The following BACE2 variants were observed in gnomAD, a reference collection of about 807,000 sequenced individuals.
BACE2 encodes beta-secretase 2, also known as 56 kDa aspartic-like protease.
A neutral mutation model predicts 46.2 loss-of-function variants in BACE2; 17 were observed. That is an observed-to-expected ratio of 0.37 (90% CI 0.25 to 0.55). BACE2 has a LOEUF of 0.55. Ranked by LOEUF, BACE2 falls within the 20% of genes least tolerant of loss-of-function variation. The pLI is 0.82. For missense variants in BACE2, 595 were observed against 698.1 expected, an observed-to-expected ratio of 0.85 and a Z score of 1.66; for synonymous variants, 277 against 295.9, an observed-to-expected ratio of 0.94 and a Z score of 0.66.
chr21:41,209,865 C>T (rs1018509901), intron 1 of BACE2, among the ~76,000 whole-genome samples: 1 of 152,138 alleles, frequency 6.6e-6, no homozygotes, highest in Non-Finnish European at 1.5e-5. Context: ...GGACATAGTT[C>T]CCAATATGTT....
At chr21:41,222,911 G>T (rs913560250) in intron 1 of BACE2, among the ~76,000 whole-genome samples, 2 of 152,230 alleles carry the variant, frequency 1.3e-5, no homozygotes, top group African/African-American at 4.8e-5. Flanking sequence ...TGATGGAGCT[G>T]CTGTCGACCG....
chr21:41,256,835 A>C (rs1987799230), intron 7 of BACE2, among the ~76,000 whole-genome samples: 1 of 152,206 alleles, frequency 6.6e-6, no homozygotes, highest in Non-Finnish European at 1.5e-5. Context: ...CTTGGCTCAG[A>C]ATAAATCTCT....
At chr21:41,237,360 C>T (rs1161208807) in intron 2 of BACE2, among the ~76,000 whole-genome samples, 153 bp from the exon 3 acceptor site, 2 of 152,124 alleles carry the variant, frequency 1.3e-5, no homozygotes, top group Admixed American at 6.5e-5. Flanking sequence ...GCAGGAGAAT[C>T]GCTTGAACCC....
At chr21:41,205,957 G>A (rs1022208398) in intron 1 of BACE2, among the ~76,000 whole-genome samples, 15 of 152,226 alleles carry the variant, frequency 9.9e-5, no homozygotes, top group African/African-American at 3.6e-4. Flanking sequence ...TGAAAGCAGG[G>A]TCTTGAAGAG....
At chr21:41,221,801 C>T (rs1410898439) in intron 1 of BACE2, among the ~76,000 whole-genome samples, 1 of 143,856 alleles carries the variant, frequency 7.0e-6, no homozygotes, top group Non-Finnish European at 1.5e-5. Context: ...GCACTCCAGC[C>T]TGGGTGACTG....
At chr21:41,194,256 T>G (rs951757947) in intron 1 of BACE2, among the ~76,000 whole-genome samples, 1 of 152,202 alleles carries the variant, frequency 6.6e-6, no homozygotes, top group Non-Finnish European at 1.5e-5. Context: ...CGAGCCAGAC[T>G]GTTCTGATTG....
chr21:41,267,045 G>C (rs1048358019), intron 8 of BACE2, among the ~76,000 whole-genome samples: 1 of 152,112 alleles, frequency 6.6e-6, no homozygotes, highest in Non-Finnish European at 1.5e-5. Context: ...GGAGCAGTGA[G>C]TGGGAGCTCC....
At chr21:41,217,086 C>A (rs1430071077) in intron 1 of BACE2, among the ~76,000 whole-genome samples, 2 of 152,162 alleles carry the variant, frequency 1.3e-5, no homozygotes, top group Non-Finnish European at 2.9e-5. Context: ...TGTGTGCCAC[C>A]ACGCCAGGCT....
At chr21:41,267,251 G>A (rs917189470) in intron 8 of BACE2, among the ~76,000 whole-genome samples, 1 of 152,112 alleles carries the variant, frequency 6.6e-6, no homozygotes, top group Non-Finnish European at 1.5e-5. Context: ...AATCATTACT[G>A]CAGTCAGATT....
intron 7 of BACE2, among the ~76,000 whole-genome samples, chr21:41,255,469 C>T (rs1987755654): frequency 1.3e-5 from 2 of 152,236 alleles, no homozygotes; most frequent in Non-Finnish European, 2.9e-5. Flanking sequence ...GAGAAGAATG[C>T]AGCCCTCTTA....
intron 1 of BACE2, chr21:41,180,358 C>G (rs950147847): frequency 1.6e-4 from 27 of 171,674 alleles, no homozygotes; most frequent in African/African-American, 6.5e-4. Context: ...GATACTCCTC[C>G]TTAATCTTAA....
rs10658440 is a variant in BACE2, at chr21:41,224,209, A to ATTTTTTTTT, written c.313-2042_313-2034dup. Among the ~76,000 whole-genome samples, 102 of 98,890 alleles carry ATTTTTTTTT rather than the reference A, an allele frequency of 1.0e-3. 5 individuals are homozygous for ATTTTTTTTT. Among genetic ancestry groups the ATTTTTTTTT allele is most frequent in the African/African-American group, 2.6e-3 (57 of 22,292 alleles). The allele number at this position is 98,890 out of a possible 152,430, so 64.9% of individuals were successfully genotyped here. On this transcript the variant is annotated intron_variant, in intron 1 of 8. Coordinates refer to ENST00000330333, the MANE Select transcript of BACE2 (RefSeq NM_012105.5). The stretch of plus-strand genomic sequence containing the variant: ...CCTAGGCAAAAACTTGCCTATTTTG[A>ATTTTTTTTT]TTTTTTTTTTTTTTTTTTTTTTTGA...
At chr21:41,215,063 A>G (rs1041859690) in intron 1 of BACE2, among the ~76,000 whole-genome samples, 5 of 152,088 alleles carry the variant, frequency 3.3e-5, no homozygotes, top group African/African-American at 1.2e-4. Flanking sequence ...GAGAGCTCAG[A>G]GATGACCGTG....
In BACE2 at chr21:41,168,400, C is replaced by CCCCGGGA; in HGVS notation, c.148_154dup (p.Pro52ArgfsTer61). 2 of 1,416,976 alleles carry CCCCGGGA rather than the reference C, an allele frequency of 1.4e-6. No individual in the cohort carries two copies. Among genetic ancestry groups the CCCCGGGA allele is most frequent in the South Asian group, 1.5e-5 (1 of 65,512 alleles). 87.8% of individuals were successfully genotyped at this position (1,416,976 alleles called of 1,614,324 possible). ...GCCACGAACCGCGTAGTTGCGCCCACCCCGGGACCCGGGACCCCTGCCGAG... is the reference window on the plus strand; with the variant it reads ...GCCACGAACCGCGTAGTTGCGCCCACCCCGGGACCCGGGACCCGGGACCCCTGCCGAG... On this transcript the variant is annotated frameshift_variant, in exon 1 of 9. Coordinates refer to ENST00000330333, the MANE Select transcript of BACE2 (RefSeq NM_012105.5). LOFTEE classifies it high-confidence loss of function.
At chr21:41,235,319 G>A (rs773868448) in intron 2 of BACE2, among the ~76,000 whole-genome samples, 9 of 152,196 alleles carry the variant, frequency 5.9e-5, no homozygotes, top group Non-Finnish European at 1.0e-4. Context: ...ACATAATAGC[G>A]CATCATATGG....
chr21:41,267,607 A>C (rs1357354279), intron 8 of BACE2, among the ~76,000 whole-genome samples: 2 of 152,194 alleles, frequency 1.3e-5, no homozygotes, highest in East Asian at 1.9e-4. Context: ...TCATGTTTAA[A>C]AATAGCAGAG....
At chr21:41,219,238 G>T (rs1413868392) in intron 1 of BACE2, among the ~76,000 whole-genome samples, 1 of 152,070 alleles carries the variant, frequency 6.6e-6, no homozygotes, top group Non-Finnish European at 1.5e-5. Context: ...AAGAGAAGAG[G>T]TTAAGATATA....
intron 8 of BACE2, among the ~76,000 whole-genome samples, chr21:41,266,312 T>C (rs773072177): frequency 1.3e-5 from 2 of 152,228 alleles, no homozygotes; most frequent in Non-Finnish European, 2.9e-5. Flanking sequence ...GGAGTTCATC[T>C]TGTTTTTGTG....
At chr21:41,191,960 C>T (rs937965667) in intron 1 of BACE2, among the ~76,000 whole-genome samples, 1 of 152,246 alleles carries the variant, frequency 6.6e-6, no homozygotes, top group African/African-American at 2.4e-5. Context: ...TCCAATCATG[C>T]TTCTTCCAAT....
Sources: allele counts gnomAD v4.1 joint callset (sites outside exome capture counted in the v4.1 genomes callset), GRCh38; gene constraint gnomAD v4.1.1; transcripts MANE v1.5; gene names NCBI Gene and HGNC (gene_info 2026-07-23, HGNC 2026-07-21).